Variants in TET2 observed in about 807,000 individuals in gnomAD.
TET2 encodes the protein tet methylcytosine dioxygenase 2.
Under a neutral mutation model 142.9 loss-of-function variants are expected in TET2, and 299 were observed. That is an observed-to-expected ratio of 2.09 (90% CI 1.90 to 2.30). The LOEUF (loss-of-function observed/expected upper bound fraction) is 2.30. Ranked by LOEUF, TET2 falls within the 30% of genes most tolerant of loss-of-function variation. TET2 has a pLI of 0.00. For missense variants in TET2, 2,418 were observed against 2,378.0 expected (o/e 1.02, Z -0.35); for synonymous variants, 819 against 849.0 (o/e 0.96, Z 0.61).
intron 4 of TET2, chr4:105,241,734 A>T (rs1378727618): frequency 2.4e-6 from 3 of 1,257,060 alleles, no homozygotes; most frequent in Non-Finnish European, 3.0e-6. Context: ...ACAGGCTCCA[A>T]CGAGAGGTCC....
At chr4:105,229,994 G>T (rs1728413594) in intron 2 of TET2, among the ~76,000 whole-genome samples, 1 of 151,990 alleles carries the variant, frequency 6.6e-6, no homozygotes, top group South Asian at 2.1e-4. Flanking sequence ...TACTGCAAAA[G>T]ATTGTGCCTA....
chr4:105,234,287 C>T lies in TET2; in HGVS notation c.345C>T (p.Asp115=). 6.2e-7 allele frequency: 1 copy of T among 1,614,000 alleles called. No homozygotes were observed. The highest frequency in any genetic ancestry group is 8.5e-7 in the Non-Finnish European group (1 of 1,179,990). Residue 115 remains aspartate, a synonymous_variant, in exon 3 of 11, where the codon GAC becomes GAT. Coordinates refer to ENST00000380013, the MANE Select transcript of TET2 (RefSeq NM_001127208.3). ...GLLQIKKLKQ[D]QKANGERRNF... The stretch of plus-strand genomic sequence containing the variant: ...TTCAGATCAAGAAATTGAAACAAGA[C>T]CAAAAGGCTAATGGAGAAAGACGTA...
At chr4:105,166,297 A>G (rs1270588344) in intron 1 of TET2, among the ~76,000 whole-genome samples, 1 of 152,134 alleles carries the variant, frequency 6.6e-6, no homozygotes, top group Non-Finnish European at 1.5e-5. Context: ...CCTCAAAATT[A>G]TGCCACATTT....
chr4:105,202,167 C>T (rs1032817781), intron 2 of TET2, among the ~76,000 whole-genome samples: 6 of 152,022 alleles, frequency 3.9e-5, no homozygotes, highest in Non-Finnish European at 7.3e-5. Flanking sequence ...ATTGTGAACA[C>T]AGATATATAT....
chr4:105,176,873 A>G (rs1392687386), intron 1 of TET2, among the ~76,000 whole-genome samples: 2 of 152,186 alleles, frequency 1.3e-5, no homozygotes, highest in Non-Finnish European at 2.9e-5. Flanking sequence ...GCTTACTATA[A>G]AGCTCAGATA....
At chr4:105,226,362 A>G (rs1442713254) in intron 2 of TET2, among the ~76,000 whole-genome samples, 1 of 152,126 alleles carries the variant, frequency 6.6e-6, no homozygotes, top group Non-Finnish European at 1.5e-5. Context: ...CCATTGTTAC[A>G]TATTATTACT....
chr4:105,235,541 GA>G lies in TET2; in HGVS notation c.1600del (p.Arg534GlufsTer8), dbSNP rs1728812871. On this transcript the variant is annotated frameshift_variant, in exon 3 of 11. Coordinates refer to ENST00000380013, the MANE Select transcript of TET2 (RefSeq NM_001127208.3). LOFTEE classifies it high-confidence loss of function. The stretch of plus-strand genomic sequence containing the variant: ...TACAGGACAACTGCCAGCAGTTGAT[GA>G]GAAACAAAGAGCAAGAGATTCTGAA... ...ELQDNCQQLM[R>X]NKEQEILKGR... is the part of the protein sequence containing the mutation. 1.2e-6 allele frequency: 2 copies of G among 1,614,030 alleles called. No individual in the cohort carries two copies. Among genetic ancestry groups the G allele is most frequent in the Admixed American group, 1.7e-5 (1 of 59,988 alleles).
At position 105,276,370 on chromosome 4, in the gene TET2, G is replaced by A. The variant is rs2110316715; in HGVS notation, c.5860G>A (p.Ala1954Thr). 1 of 1,551,960 alleles carries A rather than the reference G, an allele frequency of 6.4e-7. No individual in the cohort carries two copies. Among genetic ancestry groups the A allele is most frequent in the Non-Finnish European group, 8.7e-7 (1 of 1,147,056 alleles). ...SHGKKVKREP[A>T]EPHETSEPTY... is the part of the protein sequence containing the mutation. ...TGGCAAAAAAGTGAAACGGGAGCCT[G>A]CTGAGCCACATGAAACTTCAGAGCC... The change falls in exon 11 of 11, where the codon GCT (alanine) becomes ACT (threonine). Residue 1954 changes from alanine to threonine, a missense_variant. By Grantham distance (58) the Ala-to-Thr change is moderately conservative. Coordinates refer to ENST00000380013, the MANE Select transcript of TET2 (RefSeq NM_001127208.3).
At position 105,235,968 on chromosome 4, in the gene TET2, C is replaced by CTG; in HGVS notation, c.2031_2032dup (p.Gly678ValfsTer23). 6.2e-7 allele frequency: 1 copy of CTG among 1,614,206 alleles called. No individual in the cohort carries two copies. The highest frequency in any genetic ancestry group is 8.5e-7 in the Non-Finnish European group (1 of 1,180,032). On this transcript the variant is annotated frameshift_variant, in exon 3 of 11. Transcript: ENST00000380013. LOFTEE classifies it high-confidence loss of function. ...TTTACCAAAAGCTCATGTGCAGTCA[C>CTG]TGTGTGGCACTAGATTTCATTTTCA...
Position 105,275,803 on chromosome 4 carries a change from AAC to A in TET2, c.5294_5295del (p.Asn1765IlefsTer23). 6.4e-7 allele frequency: 1 copy of A among 1,551,738 alleles called. No individual in the cohort carries two copies. Among genetic ancestry groups the A allele is most frequent in the Non-Finnish European group, 8.7e-7 (1 of 1,147,002 alleles). ...TCATTCACCTTCTCACATAATCCAT[AAC>A]TACAGTGCAGCTCCGGGCATGTTCA... is the stretch of plus-strand genomic sequence containing the variant. ...EHHSPSHIIH[N>X]YSAAPGMFNS... On this transcript the variant is annotated frameshift_variant, in exon 11 of 11. Transcript: ENST00000380013. LOFTEE classifies it low-confidence loss of function (END_TRUNC).
intron 1 of TET2, among the ~76,000 whole-genome samples, chr4:105,151,712 CT>C (rs1479099647): frequency 2.0e-5 from 3 of 152,060 alleles, no homozygotes; most frequent in Non-Finnish European, 4.4e-5. Flanking sequence ...GAACTCAATG[CT>C]TTATACTCAC....
At chr4:105,215,999 G>A (rs914569738) in intron 2 of TET2, among the ~76,000 whole-genome samples, 5 of 152,112 alleles carry the variant, frequency 3.3e-5, no homozygotes. Context: ...TCTATTAAGA[G>A]ATCAACCACC....
Position 105,158,250 on chromosome 4 carries a change from A to AT in TET2, c.-193+11279dup, listed in dbSNP as rs201413069. Among the ~76,000 whole-genome samples, 1,436 of 151,900 alleles carry AT rather than the reference A, an allele frequency of 9.5e-3. 25 individuals are homozygous for AT. The highest frequency in any genetic ancestry group is 0.032 in the African/African-American group (1,325 of 41,452). On this transcript the variant is annotated intron_variant, in intron 1 of 10. Coordinates refer to ENST00000380013, the MANE Select transcript of TET2 (RefSeq NM_001127208.3). ...ATTTACTACTGACAGATTTTCTTTA[A>AT]TTTTTTTTGCATTGTTATAATTAGT...
intron 1 of TET2, among the ~76,000 whole-genome samples, chr4:105,154,176 G>A (rs988550057): frequency 6.6e-6 from 1 of 152,172 alleles, no homozygotes; most frequent in African/African-American, 2.4e-5. Flanking sequence ...TTCTTTTGGT[G>A]ATGATGAAAA....
chr4:105,199,467 T>C (rs960873655), intron 2 of TET2, among the ~76,000 whole-genome samples: 2 of 152,204 alleles, frequency 1.3e-5, no homozygotes, highest in Admixed American at 1.3e-4. Flanking sequence ...TTAATTTCCA[T>C]CTTGTTTCTT....
intron 2 of TET2, among the ~76,000 whole-genome samples, chr4:105,196,699 A>T (rs1180130361): frequency 6.6e-6 from 1 of 152,116 alleles, no homozygotes; most frequent in African/African-American, 2.4e-5. Flanking sequence ...GAAGCTTCAT[A>T]TTTGTTGTGG....
intron 1 of TET2, among the ~76,000 whole-genome samples, chr4:105,165,877 G>A (rs966078257): frequency 1.3e-5 from 2 of 152,046 alleles, no homozygotes; most frequent in Non-Finnish European, 2.9e-5. Context: ...ATAATGCATT[G>A]CTTTAAAAAA....
At chr4:105,214,834 T>C (rs1416964183) in intron 2 of TET2, among the ~76,000 whole-genome samples, 1 of 152,144 alleles carries the variant, frequency 6.6e-6, no homozygotes, top group Non-Finnish European at 1.5e-5. Flanking sequence ...TCTCTTCATC[T>C]GTATCCTTTG....
At chr4:105,256,049 C>CAATA (rs1407748131) in intron 6 of TET2, among the ~76,000 whole-genome samples, 3 of 151,948 alleles carry the variant, frequency 2.0e-5, no homozygotes, top group African/African-American at 7.2e-5. Context: ...TTACTCTGTG[C>CAATA]TATTATACAA....
Sources: gnomAD v4.1 joint callset for allele counts (sites outside exome capture counted in the v4.1 genomes callset) on GRCh38, gnomAD v4.1.1 for gene constraint, MANE v1.5 for transcripts, NCBI Gene and HGNC (gene_info 2026-07-23, HGNC 2026-07-21) for gene names.